Variants in KIF23 observed in about 807,000 individuals in gnomAD.
KIF23 encodes the protein kinesin-like protein KIF23.
In KIF23, 30 loss-of-function variants were observed where a neutral mutation model predicts 137.5. The observed-to-expected ratio is 0.22, with a 90% CI of 0.16 to 0.30. KIF23 has a LOEUF of 0.30. KIF23 is among the 10% of genes least tolerant of loss of function. The probability of loss-of-function intolerance (pLI) is 1.00; values close to 1 mark genes in which losing one functional copy is unlikely to be tolerated. For synonymous variants in KIF23, 367 were observed against 391.1 expected (o/e 0.94, Z 0.73); for missense variants, 920 against 1,194.3 (o/e 0.77, Z 3.38).
At chr15:69,430,426 TTC>T (rs1249889761) in intron 11 of KIF23, among the ~76,000 whole-genome samples, 3 of 152,196 alleles carry the variant, frequency 2.0e-5, no homozygotes, top group Admixed American at 2.0e-4. Context: ...TTCCCATTAA[TTC>T]TCTCTGCTGG....
chr15:69,429,724 A>G (rs1186874128), intron 11 of KIF23, among the ~76,000 whole-genome samples: 1 of 152,166 alleles, frequency 6.6e-6, no homozygotes, highest in African/African-American at 2.4e-5. Context: ...GAATGAGGAA[A>G]GTTGTATTCA....
Position 69,447,909 on chromosome 15 carries a change from T to C in KIF23, c.*102T>C. ...CCAGGTCATCTTGTAGAACTCCAGC[T>C]TTGTTGAAAATCACGGACCTCAGCT... On this transcript the variant is annotated 3_prime_UTR_variant, in exon 24 of 24. Transcript: ENST00000679126. 7.8e-7 allele frequency: 1 copy of C among 1,280,332 alleles called. No individual in the cohort carries two copies. The highest frequency in any genetic ancestry group is 1.8e-5 in the Admixed American group (1 of 56,910). The allele number at this position is 1,280,332 out of a possible 1,614,324, so 79.3% of individuals were successfully genotyped here.
intron 10 of KIF23, chr15:69,427,582 T>C (rs144283182): frequency 1.4e-4 from 54 of 396,438 alleles, no homozygotes; most frequent in African/African-American, 1.0e-3. Context: ...TGGCTAGTGT[T>C]ATAAGTTGTT....
chr15:69,442,676 C>T (rs753126673), intron 19 of KIF23, among the ~76,000 whole-genome samples: 10 of 152,222 alleles, frequency 6.6e-5, no homozygotes, highest in Non-Finnish European at 1.3e-4. Flanking sequence ...CAACTCTAGT[C>T]AGTCATTTTA....
intron 17 of KIF23, 100 bp downstream of exon 17, chr15:69,440,177 T>TTGG: frequency 6.7e-7 from 1 of 1,495,048 alleles, no homozygotes; most frequent in Non-Finnish European, 9.1e-7. Flanking sequence ...CGGTAGGGTT[T>TTGG]TGGTGGTGGT....
intron 3 of KIF23, among the ~76,000 whole-genome samples, chr15:69,418,702 G>A (rs781223643): frequency 2.6e-5 from 4 of 152,092 alleles, no homozygotes; most frequent in African/African-American, 4.8e-5. Context: ...TTTTTAATGC[G>A]TCACAGCTGA....
intron 3 of KIF23, among the ~76,000 whole-genome samples, chr15:69,421,432 A>G (rs2057053152): frequency 6.6e-6 from 1 of 152,210 alleles, no homozygotes; most frequent in African/African-American, 2.4e-5. Context: ...GTTGTGACTG[A>G]AAACGTTTAC....
At chr15:69,435,415 C>T in intron 11 of KIF23, 68 bp from the exon 12 acceptor site, 1 of 1,243,918 alleles carries the variant, frequency 8.0e-7, no homozygotes, top group South Asian at 1.4e-5. Flanking sequence ...ATTTTATAGG[C>T]AAACAGAACA....
At chr15:69,436,866 T>A in intron 15 of KIF23, 144 bp downstream of exon 15, 1 of 480,776 alleles carries the variant, frequency 2.1e-6, no homozygotes, top group Non-Finnish European at 3.5e-6. Context: ...GCGATTCTCC[T>A]GCCTTAGTCT....
intron 18 of KIF23, 62 bp downstream of exon 18, chr15:69,440,549 C>T (rs374611990): frequency 7.1e-7 from 1 of 1,411,158 alleles, no homozygotes. Context: ...GATTAGATGA[C>T]TATTTCTATG....
At chr15:69,437,608 A>G (rs1269267595) in intron 15 of KIF23, among the ~76,000 whole-genome samples, 1 of 151,628 alleles carries the variant, frequency 6.6e-6, no homozygotes, top group Non-Finnish European at 1.5e-5. Flanking sequence ...TTATAGGTGC[A>G]CACCACCACG....
At chr15:69,445,988 G>A (rs753216458) in intron 20 of KIF23, 21 bp from the exon 21 acceptor site, 1 of 1,571,814 alleles carries the variant, frequency 6.4e-7, no homozygotes, top group Non-Finnish European at 8.8e-7. Flanking sequence ...GTGTAACAGT[G>A]ACCTTTTCTT....
intron 19 of KIF23, 72 bp downstream of exon 19, chr15:69,441,151 T>A: frequency 1.5e-6 from 2 of 1,325,140 alleles, no homozygotes; most frequent in Non-Finnish European, 2.1e-6. Flanking sequence ...AACTTGTGTC[T>A]GAAAGTTCAT....
Position 69,444,004 on chromosome 15 carries a change from T to C in KIF23, c.2422-786T>C, listed in dbSNP as rs2057689718. The C allele has an allele frequency of 6.6e-6, 1 of 152,016 alleles. No individual in the cohort carries two copies. The highest frequency in any genetic ancestry group is 6.6e-5 in the Admixed American group (1 of 15,258). 9.4% of individuals were successfully genotyped at this position (152,016 alleles called of 1,614,324 possible). On this transcript the variant is annotated intron_variant, in intron 19 of 23. Coordinates refer to ENST00000679126, the MANE Select transcript of KIF23 (RefSeq NM_001367805.3). The surrounding 1 kb of genome is among the most constrained non-coding windows in gnomAD (Gnocchi z 4.2). ...TGTTTTGTTTTTGTTGAGTCTGGGT[T>C]TCACCATGTTGCCTAGGCTGAACTT...
chr15:69,447,794 G>T lies in KIF23; in HGVS notation c.2912G>T (p.Arg971Leu). ...AAGTGCTGGTTGTTATGTTTTAGGC[G>T]CAAAAAGCCATGAACTGACAGTCCC... ...PGYQHHAQPKRKKP is the reference protein window; with the variant it reads ...PGYQHHAQPKLKKP Residue 971 changes from arginine (R) to leucine (L), a missense_variant and splice_region_variant, in exon 24 of 24, where the codon CGC becomes CTC. Physicochemically the swap from Arg to Leu is moderately radical, Grantham distance 102. Transcript: ENST00000679126. 6.2e-7 allele frequency: 1 copy of T among 1,602,854 alleles called. No individual in the cohort carries two copies. Among genetic ancestry groups the T allele is most frequent in the South Asian group, 1.1e-5 (1 of 89,286 alleles).
chr15:69,447,058 G>GT, intron 23 of KIF23, 117 bp downstream of exon 23: 1 of 1,031,934 alleles, frequency 9.7e-7, no homozygotes, highest in Non-Finnish European at 1.5e-6. Flanking sequence ...TATGGTTTTG[G>GT]TTTTCCCCTT....
Position 69,435,742 on chromosome 15 carries a change from C to A in KIF23, c.1285C>A (p.Pro429Thr), listed in dbSNP as rs781486166. 1.9e-6 allele frequency: 3 copies of A among 1,613,916 alleles called. No individual in the cohort carries two copies. Among genetic ancestry groups the A allele is most frequent in the Non-Finnish European group, 8.5e-7 (1 of 1,180,022 alleles). Residue 429 changes from proline (P) to threonine (T), a missense_variant, in exon 13 of 24, where the codon CCC becomes ACC. By Grantham distance (38) the Pro-to-Thr change is conservative. Transcript: ENST00000679126. ...AGTGCGGATGATCGTGTGTGTGAAC[C>A]CCAAGGCTGAAGATTATGAAGAAAA... ...GKVRMIVCVN[P>T]KAEDYEENLQ...
At chr15:69,419,396 C>T (rs2140316500) in intron 3 of KIF23, among the ~76,000 whole-genome samples, 1 of 152,380 alleles carries the variant, frequency 6.6e-6, no homozygotes, top group East Asian at 1.9e-4. Context: ...ATCCGTCTCC[C>T]ATCTGTCTCT....
rs2057604117 is a variant in KIF23, at chr15:69,440,966, A to G, written c.2308A>G (p.Ser770Gly). ...ARRRQQEPGQ[S>G]KTCIVSDRRR... is the part of the protein sequence containing the mutation. Reference sequence around the variant, plus strand: ...GCGTAGGCAGCAGGAGCCAGGACAAAGCAAAACTTGTATCGTGTCAGACAG... The same window carrying G: ...GCGTAGGCAGCAGGAGCCAGGACAAGGCAAAACTTGTATCGTGTCAGACAG... Residue 770 changes from serine (S) to glycine (G), a missense_variant, in exon 19 of 24, where the codon AGC (serine) becomes GGC (glycine). By Grantham distance (56) the Ser-to-Gly change is moderately conservative. Around this residue, in one of 4 missense-constraint regions of KIF23, gnomAD observed 714 missense variants for 866.2 expected, o/e 0.82. Coordinates refer to ENST00000679126, the MANE Select transcript of KIF23 (RefSeq NM_001367805.3). 6.2e-7 allele frequency: 1 copy of G among 1,614,236 alleles called. No individual in the cohort carries two copies. Among genetic ancestry groups the G allele is most frequent in the African/African-American group, 1.3e-5 (1 of 75,060 alleles).
Sources: allele counts gnomAD v4.1 joint callset (sites outside exome capture counted in the v4.1 genomes callset), GRCh38; gene constraint gnomAD v4.1.1; regional missense constraint gnomAD v4.1.1; non-coding constraint Gnocchi (gnomAD v3.1); transcripts MANE v1.5; gene names NCBI Gene and HGNC (gene_info 2026-07-23, HGNC 2026-07-21).